The following SLC9A3 variants were observed in gnomAD, a reference collection of about 807,000 sequenced individuals.
SLC9A3 encodes the protein solute carrier family 9 member A3.
SLC9A3 carries 37 observed loss-of-function variants against 86.8 expected under a neutral mutation model. The ratio of observed to expected loss-of-function variants is 0.43; its 90% CI spans 0.33 to 0.56. The LOEUF (loss-of-function observed/expected upper bound fraction) is 0.56, where lower values mean the gene tolerates loss of function less well. Among genes scored for constraint, SLC9A3 ranks in the 20% least tolerant of loss-of-function variants. SLC9A3 has a pLI of 0.06. For missense variants in SLC9A3, 1,011 were observed against 1,171.9 expected, an observed-to-expected ratio of 0.86 and a Z score of 2.00; for synonymous variants, 581 against 528.3, an observed-to-expected ratio of 1.10 and a Z score of -1.37.
chr5:518,899 C>T (rs888643410), intron 1 of SLC9A3, among the ~76,000 whole-genome samples: 6 of 152,218 alleles, frequency 3.9e-5, no homozygotes, highest in South Asian at 2.1e-4. Context: ...CAGCCTCTGG[C>T]GGAGCTGCCA....
At position 496,120 on chromosome 5, in the gene SLC9A3, T is replaced by C. The variant is rs1248891693; in HGVS notation, c.212-4049A>G. 1.3e-5 allele frequency among the ~76,000 whole-genome samples: 2 copies of C among 152,174 alleles called. No individual in the cohort carries two copies. Among genetic ancestry groups the C allele is most frequent in the African/African-American group, 2.4e-5 (1 of 41,436 alleles). On this transcript the variant is annotated intron_variant, in intron 1 of 16. Transcript: ENST00000264938. This position sits in a 1 kb window ranked among gnomAD's most constrained non-coding sequence, Gnocchi z 4.7. ...CTGACCTTGGTAGTTACTGAGAAAA[T>C]ATACATATATACGCACAAACGCCGC...
At chr5:507,686 C>T (rs112988295) in intron 1 of SLC9A3, among the ~76,000 whole-genome samples, 21,386 of 33,390 alleles carry the variant, frequency 0.64, 6,038 homozygotes, top group Middle Eastern at 0.7. Flanking sequence ...GCCCGAATCC[C>T]CACCCCGCAG....
chr5:519,628 T>C (rs1733826849), intron 1 of SLC9A3, among the ~76,000 whole-genome samples: 1 of 152,020 alleles, frequency 6.6e-6, no homozygotes, highest in Non-Finnish European at 1.5e-5. Context: ...AAGTGTCGGG[T>C]GAGGACGACC....
chr5:472,391 G>A lies in SLC9A3; in HGVS notation c.*988C>T. 3.0e-6 allele frequency: 1 copy of A among 336,456 alleles called. No homozygotes were observed. Among genetic ancestry groups the A allele is most frequent in the Non-Finnish European group, 5.8e-6 (1 of 172,032 alleles). The allele number at this position is 336,456 out of a possible 1,614,324, so 20.8% of individuals were successfully genotyped here. Reference sequence around the variant, plus strand: ...GCCCCCTGGTTTGTTAAGGGGGACAGAGCAGCTGCTGGGCCCCACCATCCA... The same window carrying A: ...GCCCCCTGGTTTGTTAAGGGGGACAAAGCAGCTGCTGGGCCCCACCATCCA... On this transcript the variant is annotated 3_prime_UTR_variant, in exon 17 of 17. Coordinates refer to ENST00000264938, the MANE Select transcript of SLC9A3 (RefSeq NM_004174.4).
intron 1 of SLC9A3, among the ~76,000 whole-genome samples, chr5:500,926 GCCGGT>G: frequency 6.6e-6 from 1 of 152,228 alleles, no homozygotes; most frequent in African/African-American, 2.4e-5. Flanking sequence ...GTGGACACGG[GCCGGT>G]GTGGACAGGG....
intron 1 of SLC9A3, among the ~76,000 whole-genome samples, chr5:503,226 G>T (rs1382531284): frequency 6.6e-6 from 1 of 152,180 alleles, no homozygotes; most frequent in African/African-American, 2.4e-5. Flanking sequence ...AGAAAAAATG[G>T]TTTTTAAAGT....
At chr5:519,533 A>G (rs962975126) in intron 1 of SLC9A3, among the ~76,000 whole-genome samples, 3 of 152,192 alleles carry the variant, frequency 2.0e-5, no homozygotes, top group Admixed American at 6.5e-5. Context: ...TCCACAGCTT[A>G]GGCAGGTGGT....
rs895969911 is a variant in SLC9A3, at chr5:471,766, G to A, written c.*1613C>T. On this transcript the variant is annotated 3_prime_UTR_variant, in exon 17 of 17. Transcript: ENST00000264938. ...ATCCAAGTAACAGTGACTGCAGTTA[G>A]GGTCGAGAGCTTCTCCGAAGCAGCG... The A allele has an allele frequency of 2.2e-6, 1 of 456,400 alleles. No individual in the cohort carries two copies. The highest frequency in any genetic ancestry group is 4.4e-6 in the Non-Finnish European group (1 of 226,890). 28.3% of individuals were successfully genotyped at this position (456,400 alleles called of 1,614,324 possible).
intron 1 of SLC9A3, among the ~76,000 whole-genome samples, chr5:505,213 C>T (rs1330839621): frequency 1.0e-4 from 1 of 10,000 alleles, no homozygotes; most frequent in Non-Finnish European, 2.1e-4. Context: ...GGGGGGTGAC[C>T]ATCGAGGGGG....
chr5:474,333 ACAGCGCGC>A (rs1296967519), intron 16 of SLC9A3, among the ~76,000 whole-genome samples: 3 of 5,804 alleles, frequency 5.2e-4, no homozygotes, highest in Admixed American at 2.6e-3. Context: ...GAGGAGAGAG[ACAGCGCGC>A]GCGAGGCGGA....
At position 473,285 on chromosome 5, in the gene SLC9A3, G is replaced by T; in HGVS notation, c.*94C>A. On this transcript the variant is annotated 3_prime_UTR_variant, in exon 17 of 17. Coordinates refer to ENST00000264938, the MANE Select transcript of SLC9A3 (RefSeq NM_004174.4). The stretch of plus-strand genomic sequence containing the variant: ...GGGCTCGCGGTCGCTGTAGCCGCGC[G>T]GGGATCTGGGGTTTCTCTGGGACAG... 2 of 1,260,618 alleles carry T rather than the reference G, an allele frequency of 1.6e-6. No homozygotes were observed. The highest frequency in any genetic ancestry group is 2.2e-5 in the South Asian group (1 of 45,034). The allele number at this position is 1,260,618 out of a possible 1,614,324, so 78.1% of individuals were successfully genotyped here. A position where few individuals can be genotyped will look rare whatever the true frequency, so the allele number is the denominator to read the frequency against.
At chr5:480,128 G>A (rs889121862) in intron 9 of SLC9A3, 163 bp from the exon 10 acceptor site, 8 of 687,220 alleles carry the variant, frequency 1.2e-5, no homozygotes, top group South Asian at 1.9e-5. Flanking sequence ...CAGGCCGTCC[G>A]CCGTTCTCCC....
intron 1 of SLC9A3, among the ~76,000 whole-genome samples, chr5:501,125 C>T (rs1740258880): frequency 6.6e-6 from 1 of 152,206 alleles, no homozygotes; most frequent in African/African-American, 2.4e-5. Context: ...TAATTACAAA[C>T]CCTGTGCCTG....
At chr5:476,813 G>A in intron 11 of SLC9A3, 141 bp from the exon 12 acceptor site, 1 of 1,017,392 alleles carries the variant, frequency 9.8e-7, no homozygotes, top group Non-Finnish European at 1.4e-6. Context: ...ACCCGGCTGG[G>A]GCACGGGGAC....
chr5:507,163 C>CTTTTTTTTTTTTTTTTTTTTT (rs1740624902), intron 1 of SLC9A3, among the ~76,000 whole-genome samples: 1 of 34,754 alleles, frequency 2.9e-5, no homozygotes, highest in Non-Finnish European at 5.6e-5. Flanking sequence ...CCGGCTGCTG[C>CTTTTTTTTTTTTTTTTTTTTT]TTCTTTTTTT....
chr5:472,733 T>G lies in SLC9A3; in HGVS notation c.*646A>C, dbSNP rs1216359947. On this transcript the variant is annotated 3_prime_UTR_variant, in exon 17 of 17. Transcript: ENST00000264938. The stretch of plus-strand genomic sequence containing the variant: ...GAAACGGCGCTCGGCCCAGGCCGCT[T>G]GCGGGCGCTGGGCCTGCAGCCGCTG... 1 of 574,554 alleles carries G rather than the reference T, an allele frequency of 1.7e-6. No individual in the cohort carries two copies. The highest frequency in any genetic ancestry group is 1.9e-5 in the African/African-American group (1 of 53,062). The allele number at this position is 574,554 out of a possible 1,614,324, so 35.6% of individuals were successfully genotyped here.
At chr5:482,462 C>G (rs1002638665) in intron 7 of SLC9A3, 86 bp downstream of exon 7, 14 of 1,151,602 alleles carry the variant, frequency 1.2e-5, no homozygotes, top group East Asian at 9.4e-5. Context: ...GGGTCTGGAG[C>G]CTGGAAATGC....
At chr5:483,551 GC>G in intron 5 of SLC9A3, 69 bp from the exon 6 acceptor site, 2 of 1,105,372 alleles carry the variant, frequency 1.8e-6, no homozygotes, top group Non-Finnish European at 2.7e-6. Context: ...TGTCCGCCCA[GC>G]CCCCCACGGC....
chr5:479,752 CCT>C (rs1739035258), intron 10 of SLC9A3, 82 bp downstream of exon 10: 2 of 1,353,520 alleles, frequency 1.5e-6, no homozygotes, highest in Non-Finnish European at 2.0e-6. Context: ...GGTGCAGGGG[CCT>C]CTCCTCACTG....
Sources: allele counts gnomAD v4.1 joint callset (sites outside exome capture counted in the v4.1 genomes callset), GRCh38; gene constraint gnomAD v4.1.1; non-coding constraint Gnocchi (gnomAD v3.1); transcripts MANE v1.5; gene names NCBI Gene and HGNC (gene_info 2026-07-23, HGNC 2026-07-21).